Variants in XIRP2 observed in about 807,000 individuals in gnomAD.
The protein encoded by XIRP2 is xin actin binding repeat containing 2, also known as xin actin-binding repeat-containing protein 2.
Under a neutral mutation model 277.0 loss-of-function variants are expected in XIRP2, and 236 were observed. The ratio of observed to expected loss-of-function variants is 0.85; its 90% CI spans 0.77 to 0.95. XIRP2 has a LOEUF of 0.95. Ranked by LOEUF, XIRP2 falls within the 40% of genes least tolerant of loss-of-function variation. The pLI, the probability that XIRP2 is intolerant of heterozygous loss-of-function variation, is 0.00. For synonymous variants in XIRP2, 1,490 were observed against 1,416.5 expected, an observed-to-expected ratio of 1.05 and a Z score of -1.17; for missense variants, 4,640 against 4,157.5, an observed-to-expected ratio of 1.12 and a Z score of -3.19.
At chr2:167,091,371 G>A (rs779690959) in intron 2 of XIRP2, among the ~76,000 whole-genome samples, 19 of 151,932 alleles carry the variant, frequency 1.3e-4, no homozygotes, top group Non-Finnish European at 2.4e-4. Context: ...GCACTTATCC[G>A]TATTTTGCAT....
At chr2:166,909,172 A>G (rs1489016242) in intron 2 of XIRP2, among the ~76,000 whole-genome samples, 2 of 152,162 alleles carry the variant, frequency 1.3e-5, no homozygotes, top group Non-Finnish European at 2.9e-5. Flanking sequence ...TGGTAGCTTG[A>G]TGGGGATGGC....
chr2:166,939,774 C>G (rs1288002600), intron 2 of XIRP2, among the ~76,000 whole-genome samples: 1 of 151,708 alleles, frequency 6.6e-6, no homozygotes, highest in Non-Finnish European at 1.5e-5. Context: ...GAATATTGGC[C>G]CCCACTCTCT....
At chr2:167,046,971 C>G (rs1380954199) in intron 2 of XIRP2, among the ~76,000 whole-genome samples, 1 of 151,148 alleles carries the variant, frequency 6.6e-6, no homozygotes, top group Non-Finnish European at 1.5e-5. Context: ...ATTTTAAAAA[C>G]ACTATTCTCC....
At chr2:167,026,658 A>G (rs1421045538) in intron 2 of XIRP2, among the ~76,000 whole-genome samples, 2 of 152,138 alleles carry the variant, frequency 1.3e-5, no homozygotes, top group African/African-American at 4.8e-5. Context: ...TGGTGGTGAG[A>G]AAATCTCTCA....
chr2:167,243,245 C>G lies in XIRP2; in HGVS notation c.1853C>G (p.Thr618Arg), dbSNP rs1409203525. 2 of 1,614,076 alleles carry G rather than the reference C, an allele frequency of 1.2e-6. No individual in the cohort carries two copies. The highest frequency in any genetic ancestry group is 3.3e-5 in the Admixed American group (2 of 60,020). Reference protein sequence around the residue: ...IIAGGDVKYTTWMFETQPIDT... With the variant: ...IIAGGDVKYTRWMFETQPIDT... The stretch of plus-strand genomic sequence containing the variant: ...GCTGGTGGTGATGTGAAATATACCA[C>G]ATGGATGTTTGAAACCCAACCCATC... The change falls in exon 9 of 11, where the codon ACA (threonine) becomes AGA (arginine). Residue 618 changes from threonine to arginine, a missense_variant. Coordinates refer to ENST00000409195, the MANE Select transcript of XIRP2 (RefSeq NM_152381.6).
At chr2:167,031,666 C>A (rs1688353089) in intron 2 of XIRP2, among the ~76,000 whole-genome samples, 1 of 151,938 alleles carries the variant, frequency 6.6e-6, no homozygotes, top group African/African-American at 2.4e-5. Context: ...CAATAACAGA[C>A]AAACAGAGCC....
chr2:167,257,995 C>T lies in XIRP2; in HGVS notation c.*178C>T. 2 of 1,613,098 alleles carry T rather than the reference C, an allele frequency of 1.2e-6. No individual in the cohort carries two copies. The highest frequency in any genetic ancestry group is 1.1e-5 in the South Asian group (1 of 91,050). On this transcript the variant is annotated 3_prime_UTR_variant, in exon 11 of 11. Transcript: ENST00000409195. Reference sequence around the variant, plus strand: ...ATAGATGGAACTGCAAAAACCAAAGCAGATCAGTGGACTTTATTCCTAATG... The same window carrying T: ...ATAGATGGAACTGCAAAAACCAAAGTAGATCAGTGGACTTTATTCCTAATG...
intron 9 of XIRP2, 124 bp from the exon 10 acceptor site, chr2:167,253,908 C>A: frequency 9.2e-7 from 1 of 1,084,778 alleles, no homozygotes; most frequent in Non-Finnish European, 1.3e-6. Context: ...ATCATAAGGA[C>A]AGTAGTCTTA....
At chr2:167,213,887 G>A (rs1424660388) in intron 4 of XIRP2, among the ~76,000 whole-genome samples, 1 of 151,974 alleles carries the variant, frequency 6.6e-6, no homozygotes, top group African/African-American at 2.4e-5. Flanking sequence ...CTGCAGTAGC[G>A]TAATGATAGT....
intron 2 of XIRP2, among the ~76,000 whole-genome samples, chr2:167,128,840 T>C (rs1482412656): frequency 1.3e-5 from 2 of 152,192 alleles, no homozygotes; most frequent in South Asian, 2.1e-4. Context: ...CATTACACTA[T>C]GAGCTTCTTG....
At chr2:166,967,892 A>G (rs796331987) in intron 2 of XIRP2, among the ~76,000 whole-genome samples, 21 of 152,030 alleles carry the variant, frequency 1.4e-4, no homozygotes, top group African/African-American at 4.8e-4. Context: ...ACATTTAGCC[A>G]ATCTCTTAAG....
intron 2 of XIRP2, among the ~76,000 whole-genome samples, chr2:167,099,753 A>G (rs190190084): frequency 1.1e-3 from 165 of 152,122 alleles, no homozygotes; most frequent in Non-Finnish European, 2.1e-3. Context: ...TCCCTTGGCT[A>G]TGAGAGGGAG....
rs572018364 is a variant in XIRP2, at chr2:167,049,842, A to G, written c.409-86067A>G. On this transcript the variant is annotated intron_variant, in intron 2 of 10. Coordinates refer to ENST00000409195, the MANE Select transcript of XIRP2 (RefSeq NM_152381.6). ...ACATAAAGTAAAAGTAGTAATGAAA[A>G]CTACATGGTAGAAAGTTCCCTTCTG... Among the ~76,000 whole-genome samples, 360 of 152,132 alleles carry G rather than the reference A, an allele frequency of 2.4e-3. 1 individual carries two copies. The highest frequency in any genetic ancestry group is 8.2e-3 in the African/African-American group (342 of 41,546).
Position 167,250,664 on chromosome 2 carries a change from C to T in XIRP2, c.9272C>T (p.Thr3091Ile). 1.2e-6 allele frequency: 2 copies of T among 1,613,582 alleles called. No homozygotes were observed. Among genetic ancestry groups the T allele is most frequent in the Non-Finnish European group, 1.7e-6 (2 of 1,179,718 alleles). The change falls in exon 9 of 11, where the codon ACT becomes ATT. Residue 3091 changes from threonine (T) to isoleucine (I), a missense_variant. Transcript: ENST00000409195. ...QHQVAAHHEA[T>I]VRSHVKTHQE... is the part of the protein sequence containing the mutation. ...CAAGTAGCAGCTCATCATGAAGCAA[C>T]TGTTCGTAGTCACGTGAAAACCCAT...
intron 1 of XIRP2, among the ~76,000 whole-genome samples, chr2:166,891,116 A>G (rs1425227831): frequency 6.6e-6 from 1 of 152,252 alleles, no homozygotes; most frequent in Non-Finnish European, 1.5e-5. Context: ...AGAACTGTTA[A>G]ATTTGTGTTT....
intron 3 of XIRP2, among the ~76,000 whole-genome samples, chr2:167,185,741 G>A (rs1360351283): frequency 6.6e-6 from 1 of 151,972 alleles, no homozygotes; most frequent in Non-Finnish European, 1.5e-5. Context: ...ATTTTCTTTT[G>A]CATATAGCAA....
intron 3 of XIRP2, chr2:167,184,472 G>A (rs1362360931): frequency 3.4e-5 from 23 of 669,248 alleles, no homozygotes; most frequent in Middle Eastern, 2.4e-4. Context: ...GAGATCCCTC[G>A]CTTCTTCAGT....
In XIRP2 at chr2:167,246,583, GA is replaced by G; in HGVS notation, c.5194del (p.Arg1732GlyfsTer19). ...TTCCACATCAAACAATAAAATATCT[GA>G]AAGGGCTAAAATTGATGCCTCTGAG... ...LSSTSNNKIS[E>X]RAKIDASERG... On this transcript the variant is annotated frameshift_variant, in exon 9 of 11. Transcript: ENST00000409195. LOFTEE classifies it high-confidence loss of function. 1 of 1,613,770 alleles carries G rather than the reference GA, an allele frequency of 6.2e-7. No individual in the cohort carries two copies. Among genetic ancestry groups the G allele is most frequent in the Non-Finnish European group, 8.5e-7 (1 of 1,179,830 alleles).
In XIRP2 at chr2:167,259,168, G is replaced by A. The variant is rs1695766221; in HGVS notation, c.*1351G>A. 1.9e-6 allele frequency: 3 copies of A among 1,613,252 alleles called. No homozygotes were observed. The highest frequency in any genetic ancestry group is 1.7e-5 in the Admixed American group (1 of 59,878). Reference sequence around the variant, plus strand: ...AAAATATGCCATGCTTGGATTTAAGGGAATTTGGAAAGGATGTTAAACCTT... The same window carrying A: ...AAAATATGCCATGCTTGGATTTAAGAGAATTTGGAAAGGATGTTAAACCTT... On this transcript the variant is annotated 3_prime_UTR_variant, in exon 11 of 11. Transcript: ENST00000409195.
Sources: gnomAD v4.1 joint callset for allele counts (sites outside exome capture counted in the v4.1 genomes callset) on GRCh38, gnomAD v4.1.1 for gene constraint, MANE v1.5 for transcripts, NCBI Gene and HGNC (gene_info 2026-07-23, HGNC 2026-07-21) for gene names.